The following PHKG1 variants were observed in gnomAD, a reference collection of about 807,000 sequenced individuals.
PHKG1 encodes phosphorylase b kinase gamma catalytic chain, skeletal muscle/heart isoform.
A neutral mutation model predicts 50.5 loss-of-function variants in PHKG1; 48 were observed. That is an observed-to-expected ratio of 0.95 (90% CI 0.75 to 1.21). The LOEUF (loss-of-function observed/expected upper bound fraction) is 1.21. Ranked by LOEUF, PHKG1 falls within the 50% of genes most tolerant of loss-of-function variation. The pLI, the probability that PHKG1 is intolerant of heterozygous loss-of-function variation, is 0.00. For missense variants in PHKG1, 487 were observed against 519.5 expected, an observed-to-expected ratio of 0.94 and a Z score of 0.61; for synonymous variants, 204 against 212.8, an observed-to-expected ratio of 0.96 and a Z score of 0.36.
intron 6 of PHKG1, 173 bp downstream of exon 6, chr7:56,083,105 C>CA (rs374270655): frequency 0.087 from 37,996 of 437,870 alleles, 14 homozygotes; most frequent in East Asian, 0.096. Flanking sequence ...GACTCCATCT[C>CA]AAAAAAAAAA....
rs1476867502 is a variant in PHKG1, at chr7:56,082,272, TCAGGGCAGGTCAG to T, written c.548-32_548-20del. 1.7e-5 allele frequency: 27 copies of T among 1,593,128 alleles called. No homozygotes were observed. The highest frequency in any genetic ancestry group is 2.3e-5 in the Non-Finnish European group (27 of 1,163,462). Reference sequence around the variant, plus strand: ...CAGACCTCTGCAGGAACAGTCATCATCAGGGCAGGTCAGCAGGGCACTCAGAAGAGGAAGTCCA... The same window carrying T: ...CAGACCTCTGCAGGAACAGTCATCATCAGGGCACTCAGAAGAGGAAGTCCA... On this transcript the variant is annotated intron_variant, in intron 6 of 9. Coordinates refer to ENST00000297373, the MANE Select transcript of PHKG1 (RefSeq NM_006213.5).
chr7:56,092,212 C>T (rs1365707853), intron 1 of PHKG1, among the ~76,000 whole-genome samples: 1 of 152,148 alleles, frequency 6.6e-6, no homozygotes, highest in African/African-American at 2.4e-5. Context: ...TGTCTACTGC[C>T]CCACCCACCC....
At chr7:56,086,020 T>C (rs1406473452) in intron 4 of PHKG1, among the ~76,000 whole-genome samples, 1 of 151,084 alleles carries the variant, frequency 6.6e-6, no homozygotes, top group Non-Finnish European at 1.5e-5. Flanking sequence ...CCTCCCAGTC[T>C]TGACCCTCCA....
chr7:56,091,096 C>T (rs998198418), intron 1 of PHKG1, among the ~76,000 whole-genome samples: 1 of 152,122 alleles, frequency 6.6e-6, no homozygotes, highest in African/African-American at 2.4e-5. Flanking sequence ...GGCCTGTGGT[C>T]CCAGCTACTT....
chr7:56,091,528 G>GACAAA (rs1317555294), intron 1 of PHKG1, among the ~76,000 whole-genome samples: 3 of 139,720 alleles, frequency 2.1e-5, no homozygotes, highest in Admixed American at 1.5e-4. Flanking sequence ...AAAAAAAAAA[G>GACAAA]ACAAAACAAA....
At chr7:56,086,603 C>T (rs1796262591) in intron 4 of PHKG1, among the ~76,000 whole-genome samples, 1 of 152,146 alleles carries the variant, frequency 6.6e-6, no homozygotes, top group African/African-American at 2.4e-5. Context: ...ATTCTCCTGC[C>T]TCAGCCTCCC....
intron 4 of PHKG1, chr7:56,084,277 C>T (rs1200262756): frequency 1.3e-5 from 17 of 1,294,004 alleles, no homozygotes; most frequent in Middle Eastern, 1.8e-4. Context: ...TGGGATGTAT[C>T]GGGGCCTAAA....
chr7:56,091,085 G>C (rs964975453), intron 1 of PHKG1, among the ~76,000 whole-genome samples: 4 of 104,500 alleles, frequency 3.8e-5, no homozygotes, highest in East Asian at 2.2e-4. Context: ...GATGGCTCTC[G>C]GGCCTGTGGT....
chr7:56,089,418 G>T (rs981881830), intron 1 of PHKG1, among the ~76,000 whole-genome samples: 2 of 134,916 alleles, frequency 1.5e-5, no homozygotes, highest in Non-Finnish European at 3.2e-5. Flanking sequence ...AAAAATCTTT[G>T]TAGAGATGGG....
At position 56,081,390 on chromosome 7, in the gene PHKG1, C is replaced by CCCAA; in HGVS notation, c.919-92_919-91insTTGG. ...AGGGACGCTCTGGGCTCGTTTGCCA[C>CCCAA]GAAGCCTTGGGTGGCTTCTGCGGGG... On this transcript the variant is annotated intron_variant, in intron 9 of 9. Transcript: ENST00000297373. This position sits in a 1 kb window ranked among gnomAD's most constrained non-coding sequence, Gnocchi z 4.6. 1 of 1,478,600 alleles carries CCCAA rather than the reference C, an allele frequency of 6.8e-7. No homozygotes were observed. The highest frequency in any genetic ancestry group is 9.0e-7 in the Non-Finnish European group (1 of 1,111,638). 91.6% of individuals were successfully genotyped at this position (1,478,600 alleles called of 1,614,324 possible).
Position 56,081,772 on chromosome 7 carries a change from G to A in PHKG1, c.793-17C>T. ...TCGGGAGACCTGTGAGAGGAGGAGA[G>A]GGGAACCGAGAATGTCAAGGCAGGT... On this transcript the variant is annotated splice_polypyrimidine_tract_variant and intron_variant, in intron 8 of 9. Coordinates refer to ENST00000297373, the MANE Select transcript of PHKG1 (RefSeq NM_006213.5). The surrounding 1 kb of genome is among the most constrained non-coding windows in gnomAD (Gnocchi z 4.6). 1 of 1,592,600 alleles carries A rather than the reference G, an allele frequency of 6.3e-7. No individual in the cohort carries two copies. Among genetic ancestry groups the A allele is most frequent in the South Asian group, 1.1e-5 (1 of 89,856 alleles).
intron 4 of PHKG1, chr7:56,084,124 G>A (rs1306605309): frequency 9.8e-6 from 13 of 1,324,600 alleles, no homozygotes; most frequent in South Asian, 2.5e-5. Context: ...AATGGGCCCC[G>A]AGCTGGTGGC....
rs1200024521 is a variant in PHKG1 at position 56,083,668 on chromosome 7, A to T, written c.365T>A (p.Leu122Ter). The change falls in exon 5 of 10, where the codon TTG (leucine) becomes TAG (stop). Residue 122 changes from leucine to a stop codon, truncating the protein, a stop_gained. Transcript: ENST00000297373. LOFTEE classifies it high-confidence loss of function. ...CCCTCACCTGGTTTCCTTCTCACTC[A>T]AGGTGACCTTCTCAGTGAGGTAGTC... ...LFDYLTEKVT[L>*]SEKETRKIMR... is the part of the protein sequence containing the mutation. 3 of 1,585,034 alleles carry T rather than the reference A, an allele frequency of 1.9e-6. No homozygotes were observed. The highest frequency in any genetic ancestry group is 2.6e-6 in the Non-Finnish European group (3 of 1,162,868).
chr7:56,081,959 G>C lies in PHKG1; in HGVS notation c.726C>G (p.Ile242Met). The change falls in exon 8 of 10, where the codon ATC becomes ATG. Residue 242 changes from isoleucine (I) to methionine (M), a missense_variant. By Grantham distance (10) the Ile-to-Met change is conservative. Transcript: ENST00000297373. The surrounding 1 kb of genome is among the most constrained non-coding windows in gnomAD (Gnocchi z 4.6). Reference protein sequence around the residue: ...HRKQMLMLRMIMSGNYQFGSP... With the variant: ...HRKQMLMLRMMMSGNYQFGSP... ...AGCCAAACTGGTAGTTGCCGCTCAT[G>C]ATCATCCTCAGCATCAGCATCTGCT... 1.2e-6 allele frequency: 2 copies of C among 1,613,916 alleles called. No homozygotes were observed. Among genetic ancestry groups the C allele is most frequent in the Non-Finnish European group, 1.7e-6 (2 of 1,180,020 alleles).
At chr7:56,090,371 C>T (rs1275702163) in intron 1 of PHKG1, among the ~76,000 whole-genome samples, 1 of 152,206 alleles carries the variant, frequency 6.6e-6, no homozygotes, top group African/African-American at 2.4e-5. Context: ...ACACCTTGGC[C>T]TCCCAAAGTG....
intron 4 of PHKG1, among the ~76,000 whole-genome samples, chr7:56,085,707 G>A (rs565202798): frequency 6.6e-6 from 1 of 151,742 alleles, no homozygotes; most frequent in Non-Finnish European, 1.5e-5. Flanking sequence ...GCTCACGCCT[G>A]TAATCCCAGC....
intron 1 of PHKG1, 92 bp downstream of exon 1, chr7:56,092,744 T>C (rs1222972638): frequency 6.6e-6 from 1 of 152,192 alleles, no homozygotes; most frequent in Non-Finnish European, 1.5e-5. Context: ...ATGGATGGAA[T>C]GGATGTGGGG....
At chr7:56,088,735 C>T (rs1796374089) in intron 2 of PHKG1, 124 bp downstream of exon 2, 1 of 643,790 alleles carries the variant, frequency 1.6e-6, no homozygotes, top group African/African-American at 1.8e-5. Context: ...AAGGGTTTCT[C>T]CAAGTGAACA....
intron 4 of PHKG1, among the ~76,000 whole-genome samples, chr7:56,086,390 G>A (rs534094812): frequency 6.6e-6 from 1 of 151,960 alleles, no homozygotes; most frequent in African/African-American, 2.4e-5. Flanking sequence ...TCACTATACT[G>A]TGCCAGGCAC....
Sources: gnomAD v4.1 joint callset for allele counts (sites outside exome capture counted in the v4.1 genomes callset) on GRCh38, gnomAD v4.1.1 for gene constraint, Gnocchi (gnomAD v3.1) non-coding constraint, MANE v1.5 for transcripts, NCBI Gene and HGNC (gene_info 2026-07-23, HGNC 2026-07-21) for gene names.